Variants in GSTA3 observed in about 807,000 individuals in gnomAD.
The protein encoded by GSTA3 is glutathione S-transferase alpha 3.
In GSTA3, 16 loss-of-function variants were observed where a neutral mutation model predicts 23.1. That is an observed-to-expected ratio of 0.69 (90% CI 0.47 to 1.05). The LOEUF (loss-of-function observed/expected upper bound fraction) is 1.05. Among genes scored for constraint, GSTA3 ranks in the 50% least tolerant of loss-of-function variants. GSTA3 has a pLI of 0.00. For missense variants in GSTA3, 319 were observed against 263.6 expected, an observed-to-expected ratio of 1.21 and a Z score of -1.46; for synonymous variants, 122 against 91.0, an observed-to-expected ratio of 1.34 and a Z score of -1.94.
rs143147654 is a variant in GSTA3, at chr6:52,897,592, G to A, written c.546+233C>T. Among the ~76,000 whole-genome samples, 573 of 152,298 alleles carry A rather than the reference G, an allele frequency of 3.8e-3. 1 individual carries two copies. Among genetic ancestry groups the A allele is most frequent in the Non-Finnish European group, 6.5e-3 (442 of 68,022 alleles). ...AGATGCTGGGCCCTGGGTCCTTTCC[G>A]TGATAAAAGGCAAAATACTTTTCAT... On this transcript the variant is annotated intron_variant, in intron 6 of 6. Transcript: ENST00000211122.
At chr6:52,902,200 G>A (rs1765709348) in intron 4 of GSTA3, 146 bp downstream of exon 4, 2 of 877,604 alleles carry the variant, frequency 2.3e-6, no homozygotes, top group Admixed American at 4.7e-5. Context: ...ATCCCCATGG[G>A]ACTCTGCAAT....
In GSTA3 at chr6:52,899,753, AT is replaced by A. The variant is rs571492394; in HGVS notation, c.414+180del. On this transcript the variant is annotated intron_variant, in intron 5 of 6. Transcript: ENST00000211122. ...TTTGCTGGAAAATTATAACTTGGGG[AT>A]AAGTGGTATCACTGTTCCTCTAAGT... Among the ~76,000 whole-genome samples, 7 of 152,318 alleles carry A rather than the reference AT, an allele frequency of 4.6e-5. No individual in the cohort carries two copies. In the South Asian group the frequency reaches 1.4e-3, roughly 32 times the overall value.
At chr6:52,908,920 G>A (rs992273196) in intron 1 of GSTA3, among the ~76,000 whole-genome samples, 4 of 152,076 alleles carry the variant, frequency 2.6e-5, no homozygotes, top group African/African-American at 9.7e-5. Flanking sequence ...CTTCGAACAA[G>A]AAGGAGGAGG....
chr6:52,897,675 T>G, intron 6 of GSTA3, 150 bp downstream of exon 6: 1 of 775,450 alleles, frequency 1.3e-6, no homozygotes, highest in Non-Finnish European at 2.2e-6. Context: ...TGCCTCAAAA[T>G]TGGGGTCTGG....
chr6:52,900,801 A>G (rs2127357434), intron 4 of GSTA3, among the ~76,000 whole-genome samples: 1 of 152,294 alleles, frequency 6.6e-6, no homozygotes, highest in African/African-American at 2.4e-5. Flanking sequence ...TTTTCTCCTA[A>G]GTAATCCCAA....
intron 5 of GSTA3, among the ~76,000 whole-genome samples, chr6:52,899,278 A>G (rs45454592): frequency 0.022 from 3,333 of 152,292 alleles, 59 homozygotes; most frequent in Non-Finnish European, 0.031. Flanking sequence ...TAATTCTTTG[A>G]AAAGAAATTT....
Position 52,899,942 on chromosome 6 carries a change from A to G in GSTA3, c.406T>C (p.Phe136Leu). The G allele has an allele frequency of 6.2e-7, 1 of 1,613,908 alleles. No homozygotes were observed. Among genetic ancestry groups the G allele is most frequent in the Non-Finnish European group, 8.5e-7 (1 of 1,179,948 alleles). ...EKTKSRYFPA[F>L]EKVLQSHGQD... is the part of the protein sequence containing the mutation. ...TGAACAGCTTCACCTACTTTTTCGA[A>G]GGCAGGGAAATAGCGACTTTTTGTT... The change falls in exon 5 of 7, where the codon TTC (phenylalanine) becomes CTC (leucine). Residue 136 changes from phenylalanine (F) to leucine (L), a missense_variant. Physicochemically the swap from Phe to Leu is conservative, Grantham distance 22 (BLOSUM62 0). Transcript: ENST00000211122.
At chr6:52,900,264 C>CTTT (rs368457261) in intron 4 of GSTA3, among the ~76,000 whole-genome samples, 189 bp from the exon 5 acceptor site, 5 of 133,456 alleles carry the variant, frequency 3.7e-5, no homozygotes, top group Non-Finnish European at 4.8e-5. Context: ...CTTTCTTTTT[C>CTTT]TTTTTTTTTT....
At position 52,896,832 on chromosome 6, in the gene GSTA3, C is replaced by A; in HGVS notation, c.643G>T (p.Glu215Ter). ...KPPADAKALE[E>*]ARKIFRF ...TAAAACCTGAAAATCTTTCTGGCTTCTTCTAAAGCTTTTGCATCTGCGGGA... is the reference window on the plus strand; with the variant it reads ...TAAAACCTGAAAATCTTTCTGGCTTATTCTAAAGCTTTTGCATCTGCGGGA... The change falls in exon 7 of 7, where the codon GAA becomes TAA. Residue 215 changes from glutamate (E) to a stop codon, truncating the protein, a stop_gained. Transcript: ENST00000211122. LOFTEE classifies it high-confidence loss of function. 6.2e-7 allele frequency: 1 copy of A among 1,614,094 alleles called. No homozygotes were observed. The highest frequency in any genetic ancestry group is 1.1e-5 in the South Asian group (1 of 91,084).
chr6:52,898,659 A>G (rs1765550289), intron 5 of GSTA3, among the ~76,000 whole-genome samples: 1 of 152,214 alleles, frequency 6.6e-6, no homozygotes, highest in African/African-American at 2.4e-5. Context: ...GATCTGAAGT[A>G]AACCTGGGTT....
intron 2 of GSTA3, among the ~76,000 whole-genome samples, chr6:52,904,566 T>G (rs1255909017): frequency 6.6e-6 from 1 of 152,140 alleles, no homozygotes; most frequent in Admixed American, 6.5e-5. Flanking sequence ...GCTGTGAGGC[T>G]GAAGGGGCGC....
chr6:52,898,972 A>G (rs1270126120), intron 5 of GSTA3, among the ~76,000 whole-genome samples: 2 of 152,168 alleles, frequency 1.3e-5, no homozygotes, highest in African/African-American at 4.8e-5. Context: ...GTGCTTTGGC[A>G]GGAGTCAGGG....
intron 1 of GSTA3, among the ~76,000 whole-genome samples, chr6:52,908,756 A>G (rs1366026385): frequency 1.3e-5 from 2 of 152,212 alleles, no homozygotes; most frequent in Non-Finnish European, 2.9e-5. Context: ...TATAGAAGGA[A>G]TGTGCATGTT....
Position 52,897,906 on chromosome 6 carries a change from C to T in GSTA3, c.465G>A (p.Arg155=). Residue 155 remains arginine (R), a synonymous_variant, in exon 6 of 7, where the codon CGG becomes CGA. Transcript: ENST00000211122. The part of the protein sequence containing the change: ...QDYLVGNKLS[R]ADISLVELLY... ...GAAGTTCCACCAGGCTAATGTCAGC[C>T]CGGCTCAGCTTGTTGCCAACAAGGT... is the stretch of plus-strand genomic sequence containing the variant. 1 of 1,614,004 alleles carries T rather than the reference C, an allele frequency of 6.2e-7. No homozygotes were observed. Among genetic ancestry groups the T allele is most frequent in the Non-Finnish European group, 8.5e-7 (1 of 1,179,934 alleles).
chr6:52,896,752 T>C lies in GSTA3; in HGVS notation c.*54A>G. On this transcript the variant is annotated 3_prime_UTR_variant, in exon 7 of 7. Transcript: ENST00000211122. ...ACACTTAAGTAAAGCACTTCATTGT[T>C]GCAAAACTTTAGAATATTGGTCTTG... is the stretch of plus-strand genomic sequence containing the variant. 3 of 1,606,578 alleles carry C rather than the reference T, an allele frequency of 1.9e-6. No homozygotes were observed. The highest frequency in any genetic ancestry group is 2.6e-6 in the Non-Finnish European group (3 of 1,175,526).
At chr6:52,901,094 A>T (rs937486639) in intron 4 of GSTA3, among the ~76,000 whole-genome samples, 5 of 152,218 alleles carry the variant, frequency 3.3e-5, no homozygotes, top group African/African-American at 1.2e-4. Flanking sequence ...TAGGTTTTCC[A>T]CAGTACTTTT....
intron 4 of GSTA3, 110 bp downstream of exon 4, chr6:52,902,236 G>A (rs978564518): frequency 4.4e-6 from 6 of 1,375,442 alleles, no homozygotes; most frequent in South Asian, 1.2e-5. Context: ...ACACGCCCAA[G>A]GCCCAGCCTG....
intron 1 of GSTA3, among the ~76,000 whole-genome samples, chr6:52,907,952 T>C (rs1187819348): frequency 6.6e-6 from 1 of 151,542 alleles, no homozygotes; most frequent in Non-Finnish European, 1.5e-5. Flanking sequence ...TGTGCACATG[T>C]ACCCTACAAC....
chr6:52,897,837 G>T lies in GSTA3; in HGVS notation c.534C>A (p.Phe178Leu), dbSNP rs769552385. 1.9e-6 allele frequency: 3 copies of T among 1,613,728 alleles called. No individual in the cohort carries two copies. In the Admixed American group the frequency reaches 5.0e-5, roughly 27 times the overall value. The change falls in exon 6 of 7, where the codon TTC becomes TTA. Residue 178 changes from phenylalanine (F) to leucine (L), a missense_variant. Phe to Leu is a conservative substitution (Grantham distance 22, BLOSUM62 0). Coordinates refer to ENST00000211122, the MANE Select transcript of GSTA3 (RefSeq NM_000847.5). The stretch of plus-strand genomic sequence containing the variant: ...TGAAATGGGTCACCTTCAGCAGAGG[G>T]AAGTTGGAGATAAGGCTGGAGTCAA... ...EELDSSLISN[F>L]PLLKALKTRI...
Sources: allele counts gnomAD v4.1 joint callset (sites outside exome capture counted in the v4.1 genomes callset), GRCh38; gene constraint gnomAD v4.1.1; transcripts MANE v1.5; gene names NCBI Gene and HGNC (gene_info 2026-07-23, HGNC 2026-07-21).